Variants in LPP observed in about 807,000 individuals in gnomAD.
LPP encodes LIM domain containing preferred translocation partner in lipoma, also known as lipoma-preferred partner.
A neutral mutation model predicts 60.4 loss-of-function variants in LPP; 38 were observed. The ratio of observed to expected loss-of-function variants is 0.63; its 90% CI spans 0.49 to 0.83. LPP has a LOEUF of 0.83. Among genes scored for constraint, LPP ranks in the 40% least tolerant of loss-of-function variants. LPP has a pLI of 0.00. For synonymous variants in LPP, 328 were observed against 290.8 expected, an observed-to-expected ratio of 1.13 and a Z score of -1.30; for missense variants, 902 against 783.6, an observed-to-expected ratio of 1.15 and a Z score of -1.80.
chr3:188,658,981 G>A (rs1352398942), intron 7 of LPP, among the ~76,000 whole-genome samples: 1 of 152,186 alleles, frequency 6.6e-6, no homozygotes. Flanking sequence ...GTGATTTGAA[G>A]ATTTTTCATG....
intron 4 of LPP, among the ~76,000 whole-genome samples, chr3:188,409,133 G>A (rs998161301): frequency 6.6e-6 from 1 of 152,158 alleles, no homozygotes; most frequent in African/African-American, 2.4e-5. Flanking sequence ...GGCTGGGTGA[G>A]TGCACTGCTC....
intron 9 of LPP, among the ~76,000 whole-genome samples, chr3:188,804,435 G>A (rs1454431577): frequency 6.6e-6 from 1 of 150,914 alleles, no homozygotes; most frequent in African/African-American, 2.4e-5. Flanking sequence ...GCTAAACAAT[G>A]GAAACATATG....
At chr3:188,556,096 A>T (rs947885234) in intron 6 of LPP, among the ~76,000 whole-genome samples, 3 of 152,144 alleles carry the variant, frequency 2.0e-5, no homozygotes, top group Non-Finnish European at 1.5e-5. Context: ...ATGAGGATTA[A>T]AAGTTGGACC....
In LPP at chr3:188,286,955, C is replaced by T. The variant is rs76068875; in HGVS notation, c.-66-54708C>T. On this transcript the variant is annotated intron_variant, in intron 2 of 11. Coordinates refer to ENST00000617246, the MANE Select transcript of LPP (RefSeq NM_001375462.1). ...CTCTCTTGTTGCCCAGGCTGGAGTG[C>T]GATGGTGCTGTCTTGGCTCACTGCA... Among the ~76,000 whole-genome samples the T allele has an allele frequency of 5.4e-3, 827 of 152,172 alleles. 9 individuals carry two copies. Among genetic ancestry groups the T allele is most frequent in the African/African-American group, 0.019 (793 of 41,510 alleles).
intron 7 of LPP, among the ~76,000 whole-genome samples, chr3:188,704,811 A>T (rs1275511258): frequency 6.6e-6 from 1 of 151,858 alleles, no homozygotes; most frequent in Non-Finnish European, 1.5e-5. Flanking sequence ...AACACATTAG[A>T]TTTTGAGACT....
chr3:188,717,290 G>C (rs1264116339), intron 8 of LPP, among the ~76,000 whole-genome samples: 7 of 152,234 alleles, frequency 4.6e-5, no homozygotes, highest in Non-Finnish European at 8.8e-5. Flanking sequence ...TTTTTAATCT[G>C]TATAAGGAAC....
intron 2 of LPP, among the ~76,000 whole-genome samples, chr3:188,256,003 C>A (rs867871727): frequency 1.3e-5 from 2 of 152,094 alleles, no homozygotes; most frequent in South Asian, 4.1e-4. Flanking sequence ...TGTTAATAAC[C>A]AGATATGTAC....
chr3:188,278,459 GCTA>G (rs1740784020), intron 2 of LPP, among the ~76,000 whole-genome samples: 1 of 152,188 alleles, frequency 6.6e-6, no homozygotes, highest in Non-Finnish European at 1.5e-5. Flanking sequence ...TGCTGTGTGT[GCTA>G]TATACTCTTC....
intron 5 of LPP, among the ~76,000 whole-genome samples, chr3:188,500,936 G>A (rs1811650854): frequency 6.6e-6 from 1 of 151,670 alleles, no homozygotes; most frequent in African/African-American, 2.4e-5. Context: ...TTCTCTCTCT[G>A]TCTCTCTCTC....
intron 6 of LPP, among the ~76,000 whole-genome samples, chr3:188,597,716 T>A (rs1376449234): frequency 3.4e-4 from 51 of 152,178 alleles, no homozygotes; most frequent in Admixed American, 3.2e-3. Context: ...GTTACCGAAC[T>A]ATTTCCCTTA....
intron 8 of LPP, among the ~76,000 whole-genome samples, chr3:188,717,172 C>T (rs956864498): frequency 6.6e-6 from 1 of 152,228 alleles, no homozygotes; most frequent in South Asian, 2.1e-4. Context: ...CACAGGCCTA[C>T]AGACTTTAAA....
chr3:188,869,739 C>T (rs1288724666), intron 10 of LPP, among the ~76,000 whole-genome samples: 2 of 152,208 alleles, frequency 1.3e-5, no homozygotes, highest in African/African-American at 2.4e-5. Flanking sequence ...CCATGGCCTG[C>T]ACTTTGTGTA....
chr3:188,472,397 T>A (rs1802068602), intron 4 of LPP, among the ~76,000 whole-genome samples: 1 of 151,884 alleles, frequency 6.6e-6, no homozygotes, highest in Non-Finnish European at 1.5e-5. Flanking sequence ...AAAAAAAAAA[T>A]ACATGCCAAA....
intron 1 of LPP, among the ~76,000 whole-genome samples, chr3:188,172,458 G>A (rs752187396): frequency 6.6e-6 from 1 of 152,188 alleles, no homozygotes; most frequent in African/African-American, 2.4e-5. Flanking sequence ...CATGTGATAA[G>A]TGCCCATTAA....
intron 7 of LPP, among the ~76,000 whole-genome samples, chr3:188,688,110 T>C (rs2149439491): frequency 6.6e-6 from 1 of 152,330 alleles, no homozygotes; most frequent in East Asian, 1.9e-4. Context: ...ACTTAGTTTT[T>C]CCAAAGTACT....
intron 7 of LPP, among the ~76,000 whole-genome samples, chr3:188,648,194 T>TAG: frequency 1.3e-5 from 2 of 152,164 alleles, no homozygotes. Flanking sequence ...AGATTAAACT[T>TAG]TCACTAAGTA....
intron 6 of LPP, among the ~76,000 whole-genome samples, chr3:188,529,350 T>C (rs16863405): frequency 0.019 from 2,914 of 152,310 alleles, 86 homozygotes; most frequent in African/African-American, 0.065. Flanking sequence ...TCAAAACCTA[T>C]AGAATCACCT....
At chr3:188,458,623 C>G (rs1560431038) in intron 4 of LPP, among the ~76,000 whole-genome samples, 5 of 152,196 alleles carry the variant, frequency 3.3e-5, no homozygotes. Flanking sequence ...ATTCCTTTCC[C>G]TCACCCTGGA....
chr3:188,396,067 CA>C (rs1299006263), intron 3 of LPP, among the ~76,000 whole-genome samples: 2 of 152,074 alleles, frequency 1.3e-5, no homozygotes, highest in Non-Finnish European at 2.9e-5. Flanking sequence ...ATATGATGTT[CA>C]AAAGGCTGAA....
Sources: allele counts gnomAD v4.1 joint callset (sites outside exome capture counted in the v4.1 genomes callset), GRCh38; gene constraint gnomAD v4.1.1; transcripts MANE v1.5; gene names NCBI Gene and HGNC (gene_info 2026-07-23, HGNC 2026-07-21).